KLHL20: variants seen among roughly 807,000 people sequenced by gnomAD.
KLHL20 encodes the protein kelch-like protein 20.
A neutral mutation model predicts 69.5 loss-of-function variants in KLHL20; 29 were observed. The observed-to-expected ratio is 0.42, with a 90% CI of 0.31 to 0.57. KLHL20 has a LOEUF of 0.57. Among genes scored for constraint, KLHL20 ranks in the 20% least tolerant of loss-of-function variants. KLHL20 has a pLI of 0.18. For missense variants in KLHL20, 419 were observed against 776.0 expected (o/e 0.54, Z 5.47); for synonymous variants, 253 against 265.2 (o/e 0.95, Z 0.45).
intron 10 of KLHL20, 123 bp from the exon 11 acceptor site, chr1:173,782,001 G>A (rs1648910125): frequency 3.2e-6 from 2 of 632,694 alleles, no homozygotes; most frequent in African/African-American, 3.7e-5. Flanking sequence ...CTGTGTTTCA[G>A]TAAACCAGAA....
intron 5 of KLHL20, among the ~76,000 whole-genome samples, chr1:173,753,822 G>T (rs1332731877): frequency 6.6e-6 from 1 of 152,018 alleles, no homozygotes; most frequent in Non-Finnish European, 1.5e-5. Flanking sequence ...TTTGACGAAA[G>T]AAACTCTTAA....
chr1:173,769,026 G>T (rs983033353), intron 8 of KLHL20, among the ~76,000 whole-genome samples: 33 of 152,166 alleles, frequency 2.2e-4, no homozygotes, highest in African/African-American at 8.0e-4. Context: ...AAACAGTTTT[G>T]TCCACTGCCA....
intron 3 of KLHL20, 138 bp downstream of exon 3, chr1:173,734,424 T>C: frequency 1.3e-6 from 1 of 778,376 alleles, no homozygotes; most frequent in Non-Finnish European, 2.1e-6. Flanking sequence ...TTATAAATCC[T>C]AAACCTGGCT....
intron 10 of KLHL20, among the ~76,000 whole-genome samples, chr1:173,780,522 T>C (rs1648792811): frequency 6.6e-6 from 1 of 152,116 alleles, no homozygotes. Context: ...GGCTCATGCC[T>C]GTAATCCCAG....
chr1:173,753,084 C>T (rs1011661350), intron 4 of KLHL20, 129 bp from the exon 5 acceptor site: 40 of 675,924 alleles, frequency 5.9e-5, no homozygotes, highest in Non-Finnish European at 9.7e-5. Flanking sequence ...GAGGTAGGCA[C>T]ATCACTTGAG....
intron 3 of KLHL20, among the ~76,000 whole-genome samples, chr1:173,738,487 C>T (rs1322784868): frequency 6.6e-6 from 1 of 152,096 alleles, no homozygotes; most frequent in African/African-American, 2.4e-5. Context: ...CCCTTTATTT[C>T]TTTCTCTTGT....
intron 2 of KLHL20, among the ~76,000 whole-genome samples, chr1:173,720,973 A>G (rs116099737): frequency 0.012 from 1,800 of 152,256 alleles, 45 homozygotes; most frequent in African/African-American, 0.042. Context: ...GAAATTTAAA[A>G]AAAAAAATGT....
intron 3 of KLHL20, among the ~76,000 whole-genome samples, chr1:173,741,016 T>G (rs537308565): frequency 1.3e-5 from 2 of 152,216 alleles, no homozygotes; most frequent in Non-Finnish European, 2.9e-5. Flanking sequence ...GCTTCTACTT[T>G]TATATGTCAG....
chr1:173,735,616 CT>C (rs2102474745), intron 3 of KLHL20, among the ~76,000 whole-genome samples: 1 of 152,134 alleles, frequency 6.6e-6, no homozygotes, highest in African/African-American at 2.4e-5. Context: ...TTTTTTCCCC[CT>C]AATAGTTTTT....
At chr1:173,755,545 G>C (rs996488260) in intron 5 of KLHL20, among the ~76,000 whole-genome samples, 12 of 152,028 alleles carry the variant, frequency 7.9e-5, no homozygotes, top group African/African-American at 2.9e-4. Flanking sequence ...AATAACTATT[G>C]CCCTGGCTGA....
chr1:173,734,819 G>A (rs975188521), intron 3 of KLHL20, among the ~76,000 whole-genome samples: 2 of 152,182 alleles, frequency 1.3e-5, no homozygotes, highest in African/African-American at 4.8e-5. Flanking sequence ...GGGTACAATA[G>A]TGAACAAGAA....
chr1:173,760,533 T>TG (rs1673753651), intron 7 of KLHL20, among the ~76,000 whole-genome samples: 6 of 152,334 alleles, frequency 3.9e-5, no homozygotes, highest in African/African-American at 1.4e-4. Flanking sequence ...GCAGAAACCC[T>TG]ATAAGCTAGA....
intron 3 of KLHL20, among the ~76,000 whole-genome samples, chr1:173,738,434 T>C (rs985516804): frequency 2.0e-5 from 3 of 152,146 alleles, no homozygotes; most frequent in African/African-American, 4.8e-5. Context: ...TGTCCCAAAG[T>C]GTTGGGAGTA....
At position 173,783,367 on chromosome 1, in the gene KLHL20, C is replaced by G. The variant is rs144058935; in HGVS notation, c.1745+1137C>G. ...TTTATTGTTACTATTCTAAAAGAGG[C>G]AGTCTTGTAGTCCTTTCTTACTGTA... On this transcript the variant is annotated intron_variant, in intron 11 of 11. Coordinates refer to ENST00000209884, the MANE Select transcript of KLHL20 (RefSeq NM_014458.4). Among the ~76,000 whole-genome samples the G allele has an allele frequency of 4.9e-3, 747 of 152,262 alleles. 29 individuals carry two copies. Among genetic ancestry groups the G allele is most frequent in the Admixed American group, 0.043 (665 of 15,300 alleles).
chr1:173,745,201 T>C (rs1672999226), intron 3 of KLHL20, among the ~76,000 whole-genome samples: 1 of 145,314 alleles, frequency 6.9e-6, no homozygotes, highest in Admixed American at 7.1e-5. Flanking sequence ...AGACGGAGTC[T>C]GGCTGTGTCA....
chr1:173,758,754 G>T (rs1571906977), intron 7 of KLHL20, among the ~76,000 whole-genome samples: 1 of 152,320 alleles, frequency 6.6e-6, no homozygotes, highest in East Asian at 1.9e-4. Flanking sequence ...GGCCATTCCT[G>T]CCTGGCACCA....
chr1:173,720,385 G>T lies in KLHL20; in HGVS notation c.23+4319G>T, dbSNP rs181046316. ...GACCCAGAATTGTCTGACATGCATG[G>T]AACAGTGAGTATATGTGGAGTATAG... On this transcript the variant is annotated intron_variant, in intron 2 of 11. Transcript: ENST00000209884. Among the ~76,000 whole-genome samples the T allele has an allele frequency of 6.5e-4, 99 of 152,156 alleles. 1 individual carries two copies. Among genetic ancestry groups the T allele is most frequent in the Admixed American group, 6.3e-3 (96 of 15,282 alleles).
intron 10 of KLHL20, among the ~76,000 whole-genome samples, chr1:173,781,031 G>A (rs1648837460): frequency 7.2e-6 from 1 of 138,120 alleles, no homozygotes; most frequent in Admixed American, 7.4e-5. Context: ...GAGAGAGAGA[G>A]AGGAGGGAGG....
At chr1:173,747,951 A>C (rs1370124658) in intron 3 of KLHL20, among the ~76,000 whole-genome samples, 1 of 151,904 alleles carries the variant, frequency 6.6e-6, no homozygotes, top group Non-Finnish European at 1.5e-5. Flanking sequence ...AAAGGAAAGA[A>C]GACACAAGTT....
Sources: gnomAD v4.1 joint callset for allele counts (sites outside exome capture counted in the v4.1 genomes callset) on GRCh38, gnomAD v4.1.1 for gene constraint, MANE v1.5 for transcripts, NCBI Gene and HGNC (gene_info 2026-07-23, HGNC 2026-07-21) for gene names.